The following TTC33 variants were observed in gnomAD, a reference collection of about 807,000 sequenced individuals.
TTC33 encodes tetratricopeptide repeat domain 33.
Under a neutral mutation model 29.4 loss-of-function variants are expected in TTC33, and 24 were observed. The observed-to-expected ratio is 0.82, with a 90% CI of 0.59 to 1.15. TTC33 has a LOEUF of 1.15. Among genes scored for constraint, TTC33 ranks in the 50% most tolerant of loss-of-function variants. The pLI is 0.00. For synonymous variants in TTC33, 107 were observed against 100.3 expected, an observed-to-expected ratio of 1.07 and a Z score of -0.40; for missense variants, 286 against 310.4, an observed-to-expected ratio of 0.92 and a Z score of 0.59.
rs765549573 is a variant in TTC33, at chr5:40,746,932, C to T, written c.87G>A (p.Glu29=). ...CTTCATCGTTGTCAACTACATCCTT[C>T]TCATCAGCAGCTTCAGCTTCAAACT... The part of the protein sequence containing the change: ...SQQFEAEAAD[E]KDVVDNDEGN... The change falls in exon 2 of 5, where the codon GAG becomes GAA. Residue 29 remains glutamate, a synonymous_variant. Coordinates refer to ENST00000337702, the MANE Select transcript of TTC33 (RefSeq NM_012382.3). The T allele has an allele frequency of 6.2e-7, 1 of 1,614,220 alleles. No homozygotes were observed. Among genetic ancestry groups the T allele is most frequent in the South Asian group, 1.1e-5 (1 of 91,090 alleles).
intron 4 of TTC33, among the ~76,000 whole-genome samples, chr5:40,721,049 C>T (rs1283473433): frequency 2.6e-5 from 4 of 152,170 alleles, no homozygotes; most frequent in Non-Finnish European, 4.4e-5. Flanking sequence ...GCTTGGCATA[C>T]AGTGAGCGAA....
At chr5:40,720,071 T>C (rs1030383332) in intron 4 of TTC33, among the ~76,000 whole-genome samples, 2 of 152,232 alleles carry the variant, frequency 1.3e-5, no homozygotes, top group African/African-American at 4.8e-5. Flanking sequence ...TTTTTTCTTT[T>C]GTTGTTTGTG....
chr5:40,741,850 G>C (rs531861371), intron 2 of TTC33, among the ~76,000 whole-genome samples: 1 of 152,010 alleles, frequency 6.6e-6, no homozygotes, highest in Non-Finnish European at 1.5e-5. Context: ...TTAGCCAGGC[G>C]TGGTGGCACA....
Position 40,712,844 on chromosome 5 carries a change from A to G in TTC33, c.*3301T>C, listed in dbSNP as rs552003414. 2.0e-5 allele frequency among the ~76,000 whole-genome samples: 3 copies of G among 152,264 alleles called. No homozygotes were observed. The highest frequency in any genetic ancestry group is 7.2e-5 in the African/African-American group (3 of 41,564). ...CCCGCCGCTGCCTTCTGACCAAAGT[A>G]GTTCATATATAGTGCACATTAGGGC... On this transcript the variant is annotated 3_prime_UTR_variant, in exon 5 of 5. Transcript: ENST00000337702.
At chr5:40,727,396 C>A (rs1742313728) in intron 4 of TTC33, among the ~76,000 whole-genome samples, 1 of 152,116 alleles carries the variant, frequency 6.6e-6, no homozygotes, top group African/African-American at 2.4e-5. Context: ...ATAGCCCTGC[C>A]AAAAGAAAAA....
At position 40,755,928 on chromosome 5, in the gene TTC33, C is replaced by T. The variant is rs1361091832; in HGVS notation, c.-106G>A. ...CAAAGGAAAGACGACTCAGTCTTTCCCCTCCGCCAATCTCTTCTCCGGGAC... is the reference window on the plus strand; with the variant it reads ...CAAAGGAAAGACGACTCAGTCTTTCTCCTCCGCCAATCTCTTCTCCGGGAC... On this transcript the variant is annotated 5_prime_UTR_variant, in exon 1 of 5. Coordinates refer to ENST00000337702, the MANE Select transcript of TTC33 (RefSeq NM_012382.3). 1 of 152,416 alleles carries T rather than the reference C, an allele frequency of 6.6e-6. No homozygotes were observed. The highest frequency in any genetic ancestry group is 1.5e-5 in the Non-Finnish European group (1 of 68,110). 9.4% of individuals were successfully genotyped at this position (152,416 alleles called of 1,614,324 possible). A position where few individuals can be genotyped will look rare whatever the true frequency, so the allele number is the denominator to read the frequency against.
At position 40,746,742 on chromosome 5, in the gene TTC33, C is replaced by T. The variant is rs1038122486; in HGVS notation, c.221+56G>A. 11 of 1,293,460 alleles carry T rather than the reference C, an allele frequency of 8.5e-6. No homozygotes were observed. In the African/African-American group the frequency reaches 1.3e-4, roughly 16 times the overall value. The allele number at this position is 1,293,460 out of a possible 1,614,324, so 80.1% of individuals were successfully genotyped here. ...TCATAACTCTTCATCCCATTACGGA[C>T]AGTGAGCTAGAAAATGTAAGCTCTT... On this transcript the variant is annotated intron_variant, in intron 2 of 4. Transcript: ENST00000337702.
At chr5:40,752,160 T>G (rs577196006) in intron 1 of TTC33, among the ~76,000 whole-genome samples, 2 of 152,326 alleles carry the variant, frequency 1.3e-5, no homozygotes, top group Non-Finnish European at 2.9e-5. Flanking sequence ...TCTCTCAGCA[T>G]TCACAGAATT....
At chr5:40,744,111 T>C (rs2111927877) in intron 2 of TTC33, among the ~76,000 whole-genome samples, 1 of 152,358 alleles carries the variant, frequency 6.6e-6, no homozygotes, top group Admixed American at 6.5e-5. Context: ...TAAAGATGTT[T>C]TATGGATGTA....
At chr5:40,732,767 C>T (rs1263863437) in intron 2 of TTC33, among the ~76,000 whole-genome samples, 3 of 152,082 alleles carry the variant, frequency 2.0e-5, no homozygotes, top group Admixed American at 6.5e-5. Flanking sequence ...TGCCACCACA[C>T]CTGGCTAATT....
intron 2 of TTC33, among the ~76,000 whole-genome samples, chr5:40,744,861 GTCTT>G (rs768932519): frequency 6.6e-6 from 1 of 152,238 alleles, no homozygotes; most frequent in African/African-American, 2.4e-5. Flanking sequence ...TAGGCACAAT[GTCTT>G]TCTAATGGCT....
intron 4 of TTC33, among the ~76,000 whole-genome samples, chr5:40,725,176 T>C (rs1027963626): frequency 6.7e-6 from 1 of 148,898 alleles, no homozygotes; most frequent in Non-Finnish European, 1.5e-5. Flanking sequence ...TTTGTAAATA[T>C]AGGATCTTGC....
chr5:40,750,322 C>T (rs1359650029), intron 1 of TTC33, among the ~76,000 whole-genome samples: 1 of 152,064 alleles, frequency 6.6e-6, no homozygotes, highest in Non-Finnish European at 1.5e-5. Context: ...GTAATCCTAG[C>T]ACTTTGTGAG....
intron 2 of TTC33, among the ~76,000 whole-genome samples, chr5:40,735,924 G>C (rs1053083424): frequency 6.6e-6 from 1 of 152,218 alleles, no homozygotes; most frequent in Non-Finnish European, 1.5e-5. Flanking sequence ...GGTTCATCAA[G>C]AAATGGAGTT....
rs1036499889 is a variant in TTC33, at chr5:40,713,037, T to C, written c.*3108A>G. On this transcript the variant is annotated 3_prime_UTR_variant, in exon 5 of 5. Transcript: ENST00000337702. ...TATCTTATTATTGGTAAGAAAAACT[T>C]AACTTTCTCAGTCCTAAAATTCTTT... 2.0e-5 allele frequency among the ~76,000 whole-genome samples: 3 copies of C among 152,116 alleles called. No individual in the cohort carries two copies. Among genetic ancestry groups the C allele is most frequent in the Admixed American group, 6.6e-5 (1 of 15,260 alleles).
intron 2 of TTC33, among the ~76,000 whole-genome samples, chr5:40,744,118 T>G (rs1021874712): frequency 1.3e-5 from 2 of 152,234 alleles, no homozygotes; most frequent in Non-Finnish European, 2.9e-5. Flanking sequence ...GTTTTATGGA[T>G]GTACTCAAAG....
At chr5:40,723,497 A>G (rs140613629) in intron 4 of TTC33, among the ~76,000 whole-genome samples, 2,504 of 142,542 alleles carry the variant, frequency 0.018, 41 homozygotes, top group Middle Eastern at 0.066. Context: ...CAATTAAATA[A>G]AAGCTAACTC....
At chr5:40,726,007 A>C (rs369871220) in intron 4 of TTC33, among the ~76,000 whole-genome samples, 2 of 151,416 alleles carry the variant, frequency 1.3e-5, no homozygotes, top group South Asian at 2.1e-4. Flanking sequence ...GGATGGTCTC[A>C]ATCTCCTGAC....
chr5:40,751,364 G>A (rs913759889), intron 1 of TTC33, among the ~76,000 whole-genome samples: 19 of 152,158 alleles, frequency 1.2e-4, no homozygotes, highest in African/African-American at 4.6e-4. Context: ...TTCATGAGCA[G>A]GTCTCAATAG....
Sources: allele counts gnomAD v4.1 joint callset (sites outside exome capture counted in the v4.1 genomes callset), GRCh38; gene constraint gnomAD v4.1.1; transcripts MANE v1.5; gene names NCBI Gene and HGNC (gene_info 2026-07-23, HGNC 2026-07-21).